The following NLK variants were observed in gnomAD, a reference collection of about 807,000 sequenced individuals.
The protein encoded by NLK is serine/threonine-protein kinase NLK.
NLK carries 11 observed loss-of-function variants against 59.0 expected under a neutral mutation model. That is an observed-to-expected ratio of 0.19 (90% CI 0.12 to 0.31). The LOEUF (loss-of-function observed/expected upper bound fraction) is 0.31. Among genes scored for constraint, NLK ranks in the 10% least tolerant of loss-of-function variants. NLK has a pLI of 1.00. For missense variants in NLK, 410 were observed against 661.1 expected, an observed-to-expected ratio of 0.62 and a Z score of 4.16; for synonymous variants, 235 against 235.9, an observed-to-expected ratio of 1.00 and a Z score of 0.03.
intron 10 of NLK, among the ~76,000 whole-genome samples, chr17:28,193,893 G>A (rs1477428722): frequency 1.3e-5 from 2 of 152,198 alleles, no homozygotes; most frequent in Admixed American, 1.3e-4. Flanking sequence ...GACCCAGTCA[G>A]TTAGGCAGTT....
At chr17:28,203,149 ATG>A in the NLK span, among the ~76,000 whole-genome samples, 1 of 148,156 alleles carries the variant, frequency 6.7e-6, no homozygotes, top group African/African-American at 2.5e-5. Flanking sequence ...GTGTGTATGA[ATG>A]TATATACATA....
intron 1 of NLK, among the ~76,000 whole-genome samples, chr17:28,046,475 T>C (rs1909055109): frequency 6.6e-6 from 1 of 152,210 alleles, no homozygotes; most frequent in Admixed American, 6.5e-5. Context: ...GTTATCAAGA[T>C]ATCATATACA....
chr17:28,055,085 A>C (rs1310525421), intron 1 of NLK, among the ~76,000 whole-genome samples: 1 of 136,688 alleles, frequency 7.3e-6, no homozygotes, highest in Non-Finnish European at 1.6e-5. Flanking sequence ...TGTTGTGGGG[A>C]TTTTTTTTTC....
At chr17:28,127,141 G>A (rs558568806) in intron 2 of NLK, among the ~76,000 whole-genome samples, 2 of 152,180 alleles carry the variant, frequency 1.3e-5, no homozygotes, top group African/African-American at 4.8e-5. Context: ...CACAGTAGGC[G>A]GCGATTCTAT....
rs1424043819 is a variant in NLK at position 28,126,199 on chromosome 17, G to A, written c.588+3467G>A. 2.6e-5 allele frequency among the ~76,000 whole-genome samples: 4 copies of A among 152,344 alleles called. No individual in the cohort carries two copies. In the East Asian group the frequency reaches 7.7e-4, roughly 29 times the overall value. On this transcript the variant is annotated intron_variant, in intron 2 of 10. Transcript: ENST00000407008. Reference sequence around the variant, plus strand: ...GGTTAAACATTAAGCCAGGACAGCTGTGTGCATAGCAAAGAGCTGGACAAC... The same window carrying A: ...GGTTAAACATTAAGCCAGGACAGCTATGTGCATAGCAAAGAGCTGGACAAC...
Position 28,147,827 on chromosome 17 carries a change from A to C in NLK, c.645-13333A>C, listed in dbSNP as rs148915490. Among the ~76,000 whole-genome samples, 17 of 152,246 alleles carry C rather than the reference A, an allele frequency of 1.1e-4. No individual in the cohort carries two copies. The East Asian group carries it at 2.9e-3, about 26-fold the overall frequency. ...TCTAGCAGGATGTGCTGCTTGTTATATTTGGGCACTGTCCACTAACAATTC... is the reference window on the plus strand; with the variant it reads ...TCTAGCAGGATGTGCTGCTTGTTATCTTTGGGCACTGTCCACTAACAATTC... On this transcript the variant is annotated intron_variant, in intron 3 of 10. Transcript: ENST00000407008.
intron 1 of NLK, among the ~76,000 whole-genome samples, chr17:28,119,331 G>A (rs1341568387): frequency 6.6e-6 from 1 of 152,100 alleles, no homozygotes; most frequent in Non-Finnish European, 1.5e-5. Context: ...GGCATGACTG[G>A]CTTTTGCATG....
Position 28,179,884 on chromosome 17 carries a change from T to G in NLK, c.1150-5295T>G, listed in dbSNP as rs374196182. 5.5e-3 allele frequency among the ~76,000 whole-genome samples: 822 copies of G among 149,196 alleles called. 6 individuals carry two copies. Among genetic ancestry groups the G allele is most frequent in the Non-Finnish European group, 9.1e-3 (613 of 67,286 alleles). ...CTAAGCATTCTTGGTTTTTTTTTTTTTTTTTTTTTTTTTGCTTATTCAGAT... is the reference window on the plus strand; with the variant it reads ...CTAAGCATTCTTGGTTTTTTTTTTTGTTTTTTTTTTTTTGCTTATTCAGAT... On this transcript the variant is annotated intron_variant, in intron 7 of 10. Coordinates refer to ENST00000407008, the MANE Select transcript of NLK (RefSeq NM_016231.5).
chr17:28,197,782 TAAG>T (rs1404623851), downstream of NLK, among the ~76,000 whole-genome samples: 1 of 152,028 alleles, frequency 6.6e-6, no homozygotes, highest in African/African-American at 2.4e-5. Flanking sequence ...TATATTAAAA[TAAG>T]AATAGAATGC....
chr17:28,096,210 C>T (rs901971890), intron 1 of NLK, among the ~76,000 whole-genome samples: 3 of 152,216 alleles, frequency 2.0e-5, no homozygotes. Flanking sequence ...GCATCCTGGA[C>T]TTTCTACTGA....
At chr17:28,093,121 A>T (rs1597675859) in intron 1 of NLK, among the ~76,000 whole-genome samples, 1 of 151,946 alleles carries the variant, frequency 6.6e-6, no homozygotes, top group Non-Finnish European at 1.5e-5. Context: ...TTATATTTTT[A>T]AAGTTTTCCT....
chr17:28,122,849 GT>G, intron 2 of NLK, 117 bp downstream of exon 2: 2 of 1,059,582 alleles, frequency 1.9e-6, no homozygotes, highest in Non-Finnish European at 1.4e-6. Context: ...ATTGGCTATA[GT>G]TTTATGCCAA....
intron 7 of NLK, among the ~76,000 whole-genome samples, chr17:28,183,809 T>A (rs1216646187): frequency 6.6e-6 from 1 of 152,160 alleles, no homozygotes; most frequent in Non-Finnish European, 1.5e-5. Flanking sequence ...AAGCCGATAA[T>A]AATTTGGCCA....
intron 1 of NLK, among the ~76,000 whole-genome samples, chr17:28,106,058 C>T (rs1905069054): frequency 6.6e-6 from 1 of 152,048 alleles, no homozygotes; most frequent in Non-Finnish European, 1.5e-5. Context: ...GTATGTTTCC[C>T]AAAAACTTAC....
At chr17:28,100,313 C>T (rs1225128623) in intron 1 of NLK, among the ~76,000 whole-genome samples, 1 of 152,122 alleles carries the variant, frequency 6.6e-6, no homozygotes, top group Non-Finnish European at 1.5e-5. Flanking sequence ...AGGATTTTCT[C>T]CAAATCCTCA....
intron 1 of NLK, among the ~76,000 whole-genome samples, chr17:28,086,161 C>T (rs1207521114): frequency 6.6e-6 from 1 of 151,974 alleles, no homozygotes; most frequent in Non-Finnish European, 1.5e-5. Flanking sequence ...TTACATAATT[C>T]AGAATTCAAA....
chr17:28,155,818 A>T (rs1279674528), intron 3 of NLK, among the ~76,000 whole-genome samples: 9 of 152,194 alleles, frequency 5.9e-5, no homozygotes, highest in African/African-American at 2.2e-4. Context: ...ATTAGAAGAA[A>T]TACCTAATGT....
intron 1 of NLK, among the ~76,000 whole-genome samples, chr17:28,122,247 G>C (rs1906097178): frequency 6.6e-6 from 1 of 152,150 alleles, no homozygotes; most frequent in African/African-American, 2.4e-5. Context: ...TCAAATTAAT[G>C]ATCTATGCTG....
chr17:28,080,798 A>G (rs777113967), intron 1 of NLK, among the ~76,000 whole-genome samples: 2 of 152,206 alleles, frequency 1.3e-5, no homozygotes, highest in African/African-American at 2.4e-5. Context: ...AGCTGCTTCT[A>G]AAAGATTTAT....
Sources: gnomAD v4.1 joint callset for allele counts (sites outside exome capture counted in the v4.1 genomes callset) on GRCh38, gnomAD v4.1.1 for gene constraint, MANE v1.5 for transcripts, NCBI Gene and HGNC (gene_info 2026-07-23, HGNC 2026-07-21) for gene names.